UBA7: variants seen among roughly 807,000 people sequenced by gnomAD.
UBA7 encodes the protein ubiquitin like modifier activating enzyme 7, also known as ubiquitin-like modifier-activating enzyme 7.
A neutral mutation model predicts 113.0 loss-of-function variants in UBA7; 88 were observed. That is an observed-to-expected ratio of 0.78 (90% CI 0.66 to 0.93). UBA7 has a LOEUF of 0.93. UBA7 is among the 40% of genes least tolerant of loss of function. The pLI is 0.00. For missense variants in UBA7, 1,092 were observed against 1,266.4 expected, an observed-to-expected ratio of 0.86 and a Z score of 2.09; for synonymous variants, 459 against 513.0, an observed-to-expected ratio of 0.89 and a Z score of 1.42.
At chr3:49,808,161 A>C in intron 19 of UBA7, 49 bp from the exon 20 acceptor site, 1 of 1,601,736 alleles carries the variant, frequency 6.2e-7, no homozygotes, top group South Asian at 1.1e-5. Flanking sequence ...TGTGCCCCTC[A>C]CCGTGGCCCA....
At chr3:49,813,711 A>T (rs1317238886) in intron 1 of UBA7, 21 bp downstream of exon 1, 1 of 1,613,102 alleles carries the variant, frequency 6.2e-7, no homozygotes, top group Non-Finnish European at 8.5e-7. Flanking sequence ...CCCACTCTCC[A>T]CCCCCCACCT....
Position 49,813,378 on chromosome 3 carries a change from G to A in UBA7, c.231C>T (p.Leu77=). The A allele has an allele frequency of 6.2e-7, 1 of 1,613,466 alleles. No homozygotes were observed. Among genetic ancestry groups the A allele is most frequent in the African/African-American group, 1.3e-5 (1 of 75,044 alleles). The stretch of plus-strand genomic sequence containing the variant: ...TCCTTTCCAAGTCCTGCTCTGAGAG[G>A]AGAAACTAGGGAGAGAGCCAGTGCA... ...TCWSDLAAQF[L]LSEQDLERSR... The change falls in exon 3 of 24, where the codon CTC becomes CTT. Residue 77 remains leucine (L), a synonymous_variant. Coordinates refer to ENST00000333486, the MANE Select transcript of UBA7 (RefSeq NM_003335.3).
At chr3:49,806,757 C>T (rs977496318) in intron 21 of UBA7, among the ~76,000 whole-genome samples, 2 of 151,950 alleles carry the variant, frequency 1.3e-5, no homozygotes, top group African/African-American at 2.4e-5. Flanking sequence ...GAGACCAGGA[C>T]AGGGGGTGCT....
In UBA7 at chr3:49,810,470, G is replaced by A; in HGVS notation, c.1468-42C>T. ...AAGATGTTGGGTGGGAAGCTGTATG[G>A]GAGGACGGTCTGGGATGCAGGAGTG... On this transcript the variant is annotated intron_variant, in intron 12 of 23. Coordinates refer to ENST00000333486, the MANE Select transcript of UBA7 (RefSeq NM_003335.3). This position sits in a 1 kb window ranked among gnomAD's most constrained non-coding sequence, Gnocchi z 5.6. 6.2e-7 allele frequency: 1 copy of A among 1,614,034 alleles called. No individual in the cohort carries two copies. Among genetic ancestry groups the A allele is most frequent in the Non-Finnish European group, 8.5e-7 (1 of 1,179,936 alleles).
intron 17 of UBA7, 45 bp from the exon 18 acceptor site, chr3:49,809,204 G>C: frequency 6.3e-7 from 1 of 1,576,038 alleles, no homozygotes; most frequent in South Asian, 1.2e-5. Flanking sequence ...GGTGCATGGG[G>C]TGGGGGTCAC....
In UBA7 at chr3:49,807,620, G is replaced by T; in HGVS notation, c.2715+116C>A. The stretch of plus-strand genomic sequence containing the variant: ...GAAGAGGGCTGGAGGGAGTCTTCAG[G>T]ACTTCTGCACAGTCTGAGTTTCAGT... On this transcript the variant is annotated intron_variant, in intron 21 of 23. Transcript: ENST00000333486. This position sits in a 1 kb window ranked among gnomAD's most constrained non-coding sequence, Gnocchi z 4.0. The T allele has an allele frequency of 7.5e-7, 1 of 1,327,284 alleles. No individual in the cohort carries two copies. Among genetic ancestry groups the T allele is most frequent in the Non-Finnish European group, 1.0e-6 (1 of 981,550 alleles). 82.2% of individuals were successfully genotyped at this position (1,327,284 alleles called of 1,614,324 possible).
In UBA7 at chr3:49,812,195, G is replaced by C. The variant is rs1490254347; in HGVS notation, c.706C>G (p.Leu236Val). The change falls in exon 7 of 24, where the codon CTG (leucine) becomes GTG (valine). Residue 236 changes from leucine to valine, a missense_variant. This residue lies in a region of UBA7 where 584 missense variants were observed against 714.5 expected (regional missense o/e 0.82). Transcript: ENST00000333486. ...AAAGTTGTTGTGTCTCCAATCTCCAGGGACCCATCCTCTGAGGGAGTTCCA... is the reference window on the plus strand; with the variant it reads ...AAAGTTGTTGTGTCTCCAATCTCCACGGACCCATCCTCTGAGGGAGTTCCA... ...RSIHVREDGS[L>V]EIGDTTTFSR... 6.2e-7 allele frequency: 1 copy of C among 1,614,072 alleles called. No homozygotes were observed. The highest frequency in any genetic ancestry group is 1.3e-5 in the African/African-American group (1 of 74,912).
In UBA7 at chr3:49,806,065, G is replaced by C; in HGVS notation, c.2808+8C>G. 1 of 1,585,666 alleles carries C rather than the reference G, an allele frequency of 6.3e-7. No homozygotes were observed. Among genetic ancestry groups the C allele is most frequent in the Non-Finnish European group, 8.6e-7 (1 of 1,166,238 alleles). ...GAGCCTGGGGGTTGGGGTAGCAACA[G>C]GGCACACCTGAAGATGAGCCAGCAG... On this transcript the variant is annotated splice_region_variant and intron_variant, in intron 22 of 23. Coordinates refer to ENST00000333486, the MANE Select transcript of UBA7 (RefSeq NM_003335.3).
chr3:49,813,322 G>A lies in UBA7; in HGVS notation c.287C>T (p.Ala96Val). The change falls in exon 3 of 24, where the codon GCT becomes GTT. Residue 96 changes from alanine to valine, a missense_variant. By Grantham distance (64) the Ala-to-Val change is moderately conservative (BLOSUM62 0). Coordinates refer to ENST00000333486, the MANE Select transcript of UBA7 (RefSeq NM_003335.3). ...GACCTGGACAGCTCTGTTGAGCTGA[G>A]CCAAGAGCTCTTGAGAGGCCTCGGC... Reference protein sequence around the residue: ...SRAEASQELLAQLNRAVQVVV... With the variant: ...SRAEASQELLVQLNRAVQVVV... The A allele has an allele frequency of 6.2e-7, 1 of 1,614,196 alleles. No homozygotes were observed. Among genetic ancestry groups the A allele is most frequent in the Non-Finnish European group, 8.5e-7 (1 of 1,180,036 alleles).
chr3:49,811,887 G>A lies in UBA7; in HGVS notation c.922C>T (p.Pro308Ser), dbSNP rs2234379. ...HKFQHLHGRP[P>S]QPWDPVDAET... The stretch of plus-strand genomic sequence containing the variant: ...CTACTCACAGGATCCCAGGGCTGGG[G>A]TGGCCGGCCATGGAGGTGCTGGAAC... Residue 308 changes from proline (P) to serine (S), a missense_variant, in exon 8 of 24, where the codon CCC becomes TCC. By Grantham distance (74) the Pro-to-Ser change is moderately conservative (BLOSUM62 -1). Transcript: ENST00000333486. 6.2e-7 allele frequency: 1 copy of A among 1,613,662 alleles called. No homozygotes were observed. Among genetic ancestry groups the A allele is most frequent in the African/African-American group, 1.3e-5 (1 of 74,942 alleles).
In UBA7 at chr3:49,810,187, G is replaced by T. The variant is rs755621044; in HGVS notation, c.1634-4C>A. 2 of 1,612,926 alleles carry T rather than the reference G, an allele frequency of 1.2e-6. No individual in the cohort carries two copies. Among genetic ancestry groups the T allele is most frequent in the Admixed American group, 3.3e-5 (2 of 59,984 alleles). ...CAACGAGCAGCCACATAGCGCCCTG[G>T]CAAGGGAGCAGTGGGTCAGAAGTGG... On this transcript the variant is annotated splice_region_variant and splice_polypyrimidine_tract_variant and intron_variant, in intron 13 of 23. Coordinates refer to ENST00000333486, the MANE Select transcript of UBA7 (RefSeq NM_003335.3). The surrounding 1 kb of genome is among the most constrained non-coding windows in gnomAD (Gnocchi z 5.6).
chr3:49,807,006 C>T lies in UBA7; in HGVS notation c.2715+730G>A, dbSNP rs2081464642. On this transcript the variant is annotated intron_variant, in intron 21 of 23. Transcript: ENST00000333486. The surrounding 1 kb of genome is among the most constrained non-coding windows in gnomAD (Gnocchi z 4.0). ...CCCCTCATGAGGGCATTCCTTCTAC[C>T]CTCATCCTTGCCCCAAGGAAATGCC... 6.6e-6 allele frequency among the ~76,000 whole-genome samples: 1 copy of T among 152,154 alleles called. No individual in the cohort carries two copies. The highest frequency in any genetic ancestry group is 1.5e-5 in the Non-Finnish European group (1 of 68,026).
rs368148488 is a variant in UBA7, at chr3:49,810,715, C to T, written c.1311+37G>A. On this transcript the variant is annotated intron_variant, in intron 11 of 23. Coordinates refer to ENST00000333486, the MANE Select transcript of UBA7 (RefSeq NM_003335.3). The surrounding 1 kb of genome is among the most constrained non-coding windows in gnomAD (Gnocchi z 5.6). ...CTTAGCCAGAGGGGCTGGGCTGGCTCTCCCAAAGGCACCCCCAGTCTCACC... is the reference window on the plus strand; with the variant it reads ...CTTAGCCAGAGGGGCTGGGCTGGCTTTCCCAAAGGCACCCCCAGTCTCACC... 2.2e-5 allele frequency: 36 copies of T among 1,614,004 alleles called. No individual in the cohort carries two copies. The African/African-American group carries it at 4.5e-4, about 20-fold the overall frequency.
intron 8 of UBA7, 32 bp downstream of exon 8, chr3:49,811,838 A>T (rs2081552327): frequency 6.2e-7 from 1 of 1,608,020 alleles, no homozygotes. Flanking sequence ...TAAATGACAG[A>T]GGCTGGGGGT....
At position 49,807,535 on chromosome 3, in the gene UBA7, G is replaced by A. The variant is rs2081473194; in HGVS notation, c.2715+201C>T. ...GATCCTGGGCTTTGGAGGATTGGGG[G>A]TGGGGATGGCTGACGGCTGCTTCCT... On this transcript the variant is annotated intron_variant, in intron 21 of 23. Transcript: ENST00000333486. The surrounding 1 kb of genome is among the most constrained non-coding windows in gnomAD (Gnocchi z 4.0). 6.6e-6 allele frequency among the ~76,000 whole-genome samples: 1 copy of A among 152,206 alleles called. No individual in the cohort carries two copies.
intron 7 of UBA7, 28 bp from the exon 8 acceptor site, chr3:49,812,044 G>A: frequency 6.2e-7 from 1 of 1,614,188 alleles, no homozygotes. Flanking sequence ...TCAGGGTCTA[G>A]TCCAGAATGC....
At chr3:49,812,329 C>T in intron 6 of UBA7, 79 bp downstream of exon 6, 2 of 1,610,818 alleles carry the variant, frequency 1.2e-6, no homozygotes, top group South Asian at 2.2e-5. Context: ...GGAGAAAAAC[C>T]CATCCCAAGG....
chr3:49,811,483 A>T, intron 8 of UBA7, 28 bp from the exon 9 acceptor site: 1 of 1,554,494 alleles, frequency 6.4e-7, no homozygotes, highest in Non-Finnish European at 8.7e-7. Context: ...TGGGCATAGT[A>T]GCCCCAGCCT....
In UBA7 at chr3:49,810,600, C is replaced by T. The variant is rs2081528717; in HGVS notation, c.1384G>A (p.Gly462Arg). ...ALVGLGAGNS[G>R]GLTVVDMDHI... is the part of the protein sequence containing the mutation. ...TCCATGTCAACAACAGTCAAGCCCC[C>T]GCTGTTCCCGGCCCCCAGTCCCACT... The change falls in exon 12 of 24, where the codon GGG becomes AGG. Residue 462 changes from glycine (G) to arginine (R), a missense_variant. Physicochemically the swap from Gly to Arg is moderately radical, Grantham distance 125. Coordinates refer to ENST00000333486, the MANE Select transcript of UBA7 (RefSeq NM_003335.3). This position sits in a 1 kb window ranked among gnomAD's most constrained non-coding sequence, Gnocchi z 5.6. 3.7e-6 allele frequency: 6 copies of T among 1,614,004 alleles called. No homozygotes were observed. Among genetic ancestry groups the T allele is most frequent in the South Asian group, 2.2e-5 (2 of 91,078 alleles).
Sources: allele counts gnomAD v4.1 joint callset (sites outside exome capture counted in the v4.1 genomes callset), GRCh38; gene constraint gnomAD v4.1.1; regional missense constraint gnomAD v4.1.1; non-coding constraint Gnocchi (gnomAD v3.1); transcripts MANE v1.5; gene names NCBI Gene and HGNC (gene_info 2026-07-23, HGNC 2026-07-21).